EHMT2: variants seen among roughly 807,000 people sequenced by gnomAD.
EHMT2 encodes histone-lysine N-methyltransferase EHMT2.
A neutral mutation model predicts 143.3 loss-of-function variants in EHMT2; 59 were observed. That is an observed-to-expected ratio of 0.41 (90% CI 0.33 to 0.51). EHMT2 has a LOEUF of 0.51. Ranked by LOEUF, EHMT2 falls within the 20% of genes least tolerant of loss-of-function variation. The pLI is 0.18. For missense variants in EHMT2, 1,174 were observed against 1,645.9 expected (o/e 0.71, Z 4.96); for synonymous variants, 604 against 651.5 (o/e 0.93, Z 1.11).
At chr6:31,896,018 A>G in intron 4 of EHMT2, 2 of 453,782 alleles carry the variant, frequency 4.4e-6, no homozygotes, top group Non-Finnish European at 3.8e-6. Context: ...TCATAAGAGT[A>G]ATTAAGACAT....
At chr6:31,891,697 G>A (rs944546052) in intron 7 of EHMT2, among the ~76,000 whole-genome samples, 5 of 152,166 alleles carry the variant, frequency 3.3e-5, no homozygotes, top group Admixed American at 3.3e-4. Context: ...AAACATATAA[G>A]ATAAAACCAG....
intron 7 of EHMT2, 131 bp downstream of exon 7, chr6:31,892,276 G>T: frequency 9.6e-7 from 1 of 1,044,744 alleles, no homozygotes; most frequent in Non-Finnish European, 1.4e-6. Context: ...GACAGCATGG[G>T]GCAATGACTT....
rs1362399830 is a variant in EHMT2, at chr6:31,888,575, T to C, written c.1365+24A>G. ...GCCGGGGACTGGACGCCCTGGCACC[T>C]CTCCCACCAGCCCACGGCCCCACCT... On this transcript the variant is annotated intron_variant, in intron 11 of 27. Coordinates refer to ENST00000375537, the Ensembl canonical transcript of EHMT2. This position sits in a 1 kb window ranked among gnomAD's most constrained non-coding sequence, Gnocchi z 7.4. The C allele has an allele frequency of 5.6e-6, 9 of 1,610,384 alleles. No homozygotes were observed. The highest frequency in any genetic ancestry group is 7.6e-6 in the Non-Finnish European group (9 of 1,179,084).
At position 31,883,245 on chromosome 6, in the gene EHMT2, G is replaced by C; in HGVS notation, c.2994+117C>G. 8.8e-7 allele frequency: 1 copy of C among 1,134,630 alleles called. No homozygotes were observed. Among genetic ancestry groups the C allele is most frequent in the Non-Finnish European group, 1.3e-6 (1 of 778,140 alleles). The allele number at this position is 1,134,630 out of a possible 1,614,324, so 70.3% of individuals were successfully genotyped here. ...TCCCAGGCCTTGCCCAGTCCTCTCAGTCACTTCCCCCACAGGGTAGGAGGT... is the reference window on the plus strand; with the variant it reads ...TCCCAGGCCTTGCCCAGTCCTCTCACTCACTTCCCCCACAGGGTAGGAGGT... On this transcript the variant is annotated intron_variant, in intron 23 of 27. Coordinates refer to ENST00000375537, the Ensembl canonical transcript of EHMT2. This position sits in a 1 kb window ranked among gnomAD's most constrained non-coding sequence, Gnocchi z 5.6.
chr6:31,883,219 T>C lies in EHMT2; in HGVS notation c.2994+143A>G. 1 of 953,572 alleles carries C rather than the reference T, an allele frequency of 1.0e-6. No individual in the cohort carries two copies. The highest frequency in any genetic ancestry group is 1.6e-6 in the Non-Finnish European group (1 of 621,758). 59.1% of individuals were successfully genotyped at this position (953,572 alleles called of 1,614,324 possible). ...TCGCTGTCCCAGCCACATCCCAGGATTCCCAGGCCTTGCCCAGTCCTCTCA... is the reference window on the plus strand; with the variant it reads ...TCGCTGTCCCAGCCACATCCCAGGACTCCCAGGCCTTGCCCAGTCCTCTCA... On this transcript the variant is annotated intron_variant, in intron 23 of 27. Transcript: ENST00000375537. The surrounding 1 kb of genome is among the most constrained non-coding windows in gnomAD (Gnocchi z 5.6).
chr6:31,880,403 T>A lies in EHMT2; in HGVS notation c.3453-139A>T. The A allele has an allele frequency of 9.8e-7, 1 of 1,019,504 alleles. No individual in the cohort carries two copies. The highest frequency in any genetic ancestry group is 1.4e-6 in the Non-Finnish European group (1 of 711,538). The allele number at this position is 1,019,504 out of a possible 1,614,324, so 63.2% of individuals were successfully genotyped here. ...CCAGATGGGATCTGAGCCCCTTGTA[T>A]GTTCTATGGACTTTCAGCATCAGCA... On this transcript the variant is annotated intron_variant, in intron 27 of 27. Coordinates refer to ENST00000375537, the Ensembl canonical transcript of EHMT2. This position sits in a 1 kb window ranked among gnomAD's most constrained non-coding sequence, Gnocchi z 6.6.
rs551032628 is a variant in EHMT2, at chr6:31,889,395, C to A, written c.1000-53G>T. The A allele has an allele frequency of 8.1e-6, 13 of 1,608,716 alleles. No homozygotes were observed. The South Asian group carries it at 9.9e-5, about 12-fold the overall frequency. ...GAACCCTCACCCCCAGGGGCCCCCCCAACACCTTCAGGACCAGACCTCCAG... is the reference window on the plus strand; with the variant it reads ...GAACCCTCACCCCCAGGGGCCCCCCAAACACCTTCAGGACCAGACCTCCAG... On this transcript the variant is annotated intron_variant, in intron 8 of 27. Coordinates refer to ENST00000375537, the Ensembl canonical transcript of EHMT2. The surrounding 1 kb of genome is among the most constrained non-coding windows in gnomAD (Gnocchi z 5.1).
intron 15 of EHMT2, 30 bp from the exon 16 acceptor site, chr6:31,887,131 G>A (rs538577257): frequency 6.4e-7 from 1 of 1,564,532 alleles, no homozygotes; most frequent in Non-Finnish European, 8.7e-7. Flanking sequence ...CACCGGGAGA[G>A]GGAGGGACAA....
In EHMT2 at chr6:31,896,720, C is replaced by T. The variant is rs552947806; in HGVS notation, c.214G>A (p.Val72Ile). 5.6e-6 allele frequency: 9 copies of T among 1,612,766 alleles called. No individual in the cohort carries two copies. The African/African-American group carries it at 9.3e-5, about 17-fold the overall frequency. Residue 72 changes from valine to isoleucine, a missense_variant, in exon 3 of 28, where the codon GTC becomes ATC. This residue lies in a region of EHMT2 where 399 missense variants were observed against 404.4 expected (regional missense o/e 0.99). Coordinates refer to ENST00000375537, the Ensembl canonical transcript of EHMT2. ...TCAGCCCCCTCATCACCAACAGTGA[C>T]AGTGACAGAGGCTGGAGATGAGGGG... is the stretch of plus-strand genomic sequence containing the variant.
In EHMT2 at chr6:31,883,836, C is replaced by G; in HGVS notation, c.2886G>C (p.Met962Ile). The G allele has an allele frequency of 6.2e-7, 1 of 1,614,004 alleles. No individual in the cohort carries two copies. Among genetic ancestry groups the G allele is most frequent in the Non-Finnish European group, 8.5e-7 (1 of 1,179,974 alleles). The change falls in exon 22 of 28, where the codon ATG (methionine) becomes ATC (isoleucine). Residue 962 changes from methionine (M) to isoleucine (I), a missense_variant. Met to Ile is a conservative substitution (Grantham distance 10). This residue lies in a region of EHMT2 where 78 missense variants were observed against 144.0 expected (regional missense o/e 0.54). Coordinates refer to ENST00000375537, the Ensembl canonical transcript of EHMT2. This position sits in a 1 kb window ranked among gnomAD's most constrained non-coding sequence, Gnocchi z 5.6. ...GGTGGGTGATGTTGCGATCGATGTT[C>G]ATGGTGGACGTCTCGCAGTTCTCTG...
At chr6:31,885,177 T>A in intron 18 of EHMT2, 161 bp from the exon 19 acceptor site, 1 of 1,009,766 alleles carries the variant, frequency 9.9e-7, no homozygotes, top group Non-Finnish European at 1.4e-6. Context: ...TTTCTTCATC[T>A]AAAAAATGGG....
Position 31,880,924 on chromosome 6 carries a change from C to T in EHMT2, c.3277-76G>A. 1 of 1,608,836 alleles carries T rather than the reference C, an allele frequency of 6.2e-7. No individual in the cohort carries two copies. Among genetic ancestry groups the T allele is most frequent in the Non-Finnish European group, 8.5e-7 (1 of 1,176,510 alleles). On this transcript the variant is annotated intron_variant, in intron 26 of 27. Coordinates refer to ENST00000375537, the Ensembl canonical transcript of EHMT2. The surrounding 1 kb of genome is among the most constrained non-coding windows in gnomAD (Gnocchi z 6.6). Reference sequence around the variant, plus strand: ...TCCCCACCCACTGACTCCCCAGTCCCTCCTCCCCAGGTTTCCATTTGCTGA... The same window carrying T: ...TCCCCACCCACTGACTCCCCAGTCCTTCCTCCCCAGGTTTCCATTTGCTGA...
chr6:31,892,665 G>A (rs201584362), intron 6 of EHMT2, 29 bp downstream of exon 6: 205 of 1,612,950 alleles, frequency 1.3e-4, no homozygotes, highest in Middle Eastern at 6.6e-4. Context: ...CAGCCCCCGA[G>A]GGGTAGAGGC....
At position 31,880,922 on chromosome 6, in the gene EHMT2, C is replaced by T; in HGVS notation, c.3277-74G>A. ...CCTCCCCACCCACTGACTCCCCAGT[C>T]CCTCCTCCCCAGGTTTCCATTTGCT... On this transcript the variant is annotated intron_variant, in intron 26 of 27. Coordinates refer to ENST00000375537, the Ensembl canonical transcript of EHMT2. This position sits in a 1 kb window ranked among gnomAD's most constrained non-coding sequence, Gnocchi z 6.6. The T allele has an allele frequency of 6.2e-7, 1 of 1,607,440 alleles. No individual in the cohort carries two copies. The highest frequency in any genetic ancestry group is 8.5e-7 in the Non-Finnish European group (1 of 1,175,286).
At chr6:31,892,589 C>G in intron 6 of EHMT2, 27 bp from the exon 7 acceptor site, 1 of 1,612,622 alleles carries the variant, frequency 6.2e-7, no homozygotes, top group Non-Finnish European at 8.5e-7. Flanking sequence ...AAAATTGAGG[C>G]CACTGACACC....
At chr6:31,892,827 T>C (rs764194708) in exon 5 of EHMT2, 43 of 1,607,558 alleles carry the variant, frequency 2.7e-5, no homozygotes, top group Admixed American at 5.1e-5. Flanking sequence ...GGGACTGACC[T>C]GAGGTCACCT....
chr6:31,887,599 C>A, exon 15 of EHMT2: 1 of 1,613,068 alleles, frequency 6.2e-7, no homozygotes, highest in Non-Finnish European at 8.5e-7. Context: ...TCACCTTCTG[C>A]AGCTCGCCCT....
chr6:31,883,967 G>T lies in EHMT2; in HGVS notation c.2772-17C>A. On this transcript the variant is annotated splice_polypyrimidine_tract_variant and intron_variant, in intron 21 of 27. Coordinates refer to ENST00000375537, the Ensembl canonical transcript of EHMT2. This position sits in a 1 kb window ranked among gnomAD's most constrained non-coding sequence, Gnocchi z 5.6. Reference sequence around the variant, plus strand: ...GCCACGTCCCTGCAGAAGACGGGAAGAAGGGGCTGGGAAGCTGGAAAAGGG... The same window carrying T: ...GCCACGTCCCTGCAGAAGACGGGAATAAGGGGCTGGGAAGCTGGAAAAGGG... The T allele has an allele frequency of 6.2e-7, 1 of 1,612,280 alleles. No homozygotes were observed. Among genetic ancestry groups the T allele is most frequent in the Non-Finnish European group, 8.5e-7 (1 of 1,178,844 alleles).
At chr6:31,891,029 AC>A (rs1212353244) in intron 7 of EHMT2, among the ~76,000 whole-genome samples, 1 of 148,718 alleles carries the variant, frequency 6.7e-6, no homozygotes, top group Non-Finnish European at 1.5e-5. Context: ...TGCAACCTCC[AC>A]CTCCCAGGTT....
Sources: gnomAD v4.1 joint callset for allele counts (sites outside exome capture counted in the v4.1 genomes callset) on GRCh38, gnomAD v4.1.1 for gene constraint, gnomAD v4.1.1 regional missense constraint, Gnocchi (gnomAD v3.1) non-coding constraint, MANE v1.5 for transcripts, NCBI Gene and HGNC (gene_info 2026-07-23, HGNC 2026-07-21) for gene names.